The following DDX46 variants were observed in gnomAD, a reference collection of about 807,000 sequenced individuals.
DDX46 encodes the protein DEAD-box helicase 46.
A neutral mutation model predicts 134.9 loss-of-function variants in DDX46; 30 were observed. That is an observed-to-expected ratio of 0.22 (90% CI 0.17 to 0.30). The LOEUF (loss-of-function observed/expected upper bound fraction) is 0.30, where lower values mean the gene tolerates loss of function less well. Among genes scored for constraint, DDX46 ranks in the 10% least tolerant of loss-of-function variants. The pLI is 1.00. For synonymous variants in DDX46, 415 were observed against 404.1 expected, an observed-to-expected ratio of 1.03 and a Z score of -0.32; for missense variants, 622 against 1,248.7, an observed-to-expected ratio of 0.50 and a Z score of 7.56.
At chr5:134,768,854 T>A (rs1179747822) in intron 3 of DDX46, among the ~76,000 whole-genome samples, 3 of 151,842 alleles carry the variant, frequency 2.0e-5, no homozygotes, top group African/African-American at 7.3e-5. Context: ...AGGTCAGGAG[T>A]TTGAGACCAG....
chr5:134,815,618 A>G (rs1755264931), intron 18 of DDX46, among the ~76,000 whole-genome samples: 1 of 148,576 alleles, frequency 6.7e-6, no homozygotes, highest in Non-Finnish European at 1.5e-5. Context: ...GAGGCAGAAG[A>G]ATGGCGTGAA....
chr5:134,829,258 A>G lies in DDX46; in HGVS notation c.*552A>G, dbSNP rs1256771944. ...TCATAAATGGGCAAAAAGTAGTTGGACTAATTTCGGTTTTTATACAAGTAA... is the reference window on the plus strand; with the variant it reads ...TCATAAATGGGCAAAAAGTAGTTGGGCTAATTTCGGTTTTTATACAAGTAA... On this transcript the variant is annotated 3_prime_UTR_variant, in exon 23 of 23. Transcript: ENST00000452510. 6.6e-6 allele frequency: 1 copy of G among 152,138 alleles called. No individual in the cohort carries two copies. The allele number at this position is 152,138 out of a possible 1,614,324, so 9.4% of individuals were successfully genotyped here.
Position 134,830,451 on chromosome 5 carries a change from A to G in DDX46, c.*1745A>G, listed in dbSNP as rs1226586915. 3.9e-5 allele frequency: 6 copies of G among 152,202 alleles called. No individual in the cohort carries two copies. The highest frequency in any genetic ancestry group is 2.9e-5 in the Non-Finnish European group (2 of 68,030). The allele number at this position is 152,202 out of a possible 1,614,324, so 9.4% of individuals were successfully genotyped here. On this transcript the variant is annotated 3_prime_UTR_variant, in exon 23 of 23. Transcript: ENST00000452510. ...CTCTCATACCAAAGGATGACTGTATATTTCTTAAATGAAGAGACTTTCATT... is the reference window on the plus strand; with the variant it reads ...CTCTCATACCAAAGGATGACTGTATGTTTCTTAAATGAAGAGACTTTCATT...
intron 6 of DDX46, among the ~76,000 whole-genome samples, chr5:134,778,769 T>G (rs2150138417): frequency 6.6e-6 from 1 of 152,274 alleles, no homozygotes; most frequent in East Asian, 1.9e-4. Context: ...AGACCGGGTT[T>G]CACCATGTTG....
At chr5:134,764,341 G>A (rs191397680) in intron 2 of DDX46, among the ~76,000 whole-genome samples, 1 of 151,354 alleles carries the variant, frequency 6.6e-6, no homozygotes, top group East Asian at 1.9e-4. Context: ...GGAGTGCAGT[G>A]GTATCATCTC....
chr5:134,765,031 G>T (rs1753520060), intron 2 of DDX46, among the ~76,000 whole-genome samples: 1 of 150,396 alleles, frequency 6.6e-6, no homozygotes, highest in South Asian at 2.1e-4. Flanking sequence ...AGCTGTCATA[G>T]ATTTAAACTA....
At chr5:134,803,984 G>A (rs1754909808) in intron 15 of DDX46, among the ~76,000 whole-genome samples, 1 of 144,520 alleles carries the variant, frequency 6.9e-6, no homozygotes, top group Admixed American at 7.3e-5. Context: ...CCAAGCTGGA[G>A]TGCAGGGGTG....
rs1392009613 is a variant in DDX46, at chr5:134,770,916, G to T, written c.364G>T (p.Glu122Ter). Residue 122 changes from glutamate to a stop codon, truncating the protein, a stop_gained, in exon 4 of 23, where the codon GAG becomes TAG. Transcript: ENST00000452510. LOFTEE classifies it high-confidence loss of function. ...TTTTTTTGGTAGATCTAGGTCCAAAGAGAAAACTGATGGTGGGGAAAGTTC... is the reference window on the plus strand; with the variant it reads ...TTTTTTTGGTAGATCTAGGTCCAAATAGAAAACTGATGGTGGGGAAAGTTC... ...KKTENRSRSK[E>*]KTDGGESSKE... 6.3e-7 allele frequency: 1 copy of T among 1,584,686 alleles called. No individual in the cohort carries two copies. Among genetic ancestry groups the T allele is most frequent in the Admixed American group, 1.9e-5 (1 of 52,170 alleles).
Position 134,784,453 on chromosome 5 carries a change from A to G in DDX46, c.1254A>G (p.Thr418=), listed in dbSNP as rs1754269373. ...GAGATTTGATTGGCATTGCCAAAAC[A>G]GGAAGTGGAAAGACCATTGCTTTTC... ...SGRDLIGIAK[T]GSGKTIAFLL... is the part of the protein sequence containing the mutation. The change falls in exon 10 of 23, where the codon ACA becomes ACG. Residue 418 remains threonine (T), a synonymous_variant. Transcript: ENST00000452510. The G allele has an allele frequency of 1.9e-6, 3 of 1,614,168 alleles. No homozygotes were observed. The highest frequency in any genetic ancestry group is 2.5e-6 in the Non-Finnish European group (3 of 1,179,998).
At chr5:134,806,925 A>G (rs1463335804) in intron 15 of DDX46, among the ~76,000 whole-genome samples, 1 of 152,094 alleles carries the variant, frequency 6.6e-6, no homozygotes, top group Non-Finnish European at 1.5e-5. Context: ...TATTTAAGAG[A>G]TATCCATTTG....
At position 134,773,864 on chromosome 5, in the gene DDX46, A is replaced by G. The variant is rs368446004; in HGVS notation, c.613+3A>G. 3.4e-5 allele frequency: 55 copies of G among 1,595,660 alleles called. No individual in the cohort carries two copies. Among genetic ancestry groups the G allele is most frequent in the Non-Finnish European group, 4.6e-5 (54 of 1,173,072 alleles). On this transcript the variant is annotated splice_donor_region_variant and intron_variant, in intron 5 of 22. Transcript: ENST00000452510. ...GTGGAGTTTAGAGGACGATGATGGT[A>G]TATTTTTTAGCCTAATAGCCTGTAT...
chr5:134,811,650 T>G (rs764781112), intron 17 of DDX46, 46 bp from the exon 18 acceptor site: 3 of 1,550,444 alleles, frequency 1.9e-6, no homozygotes, highest in Non-Finnish European at 2.6e-6. Flanking sequence ...TTCCTAAACA[T>G]TAAAGTTTTT....
chr5:134,784,708 G>C, intron 10 of DDX46, 167 bp downstream of exon 10: 3 of 605,370 alleles, frequency 5.0e-6, no homozygotes, highest in Non-Finnish European at 7.6e-6. Flanking sequence ...AGCAGGTGGA[G>C]TGAGAATCTT....
chr5:134,825,094 C>T (rs1320328016), intron 21 of DDX46, among the ~76,000 whole-genome samples: 1 of 152,138 alleles, frequency 6.6e-6, no homozygotes, highest in East Asian at 1.9e-4. Context: ...TAAACTGGTC[C>T]AAATTGTCGG....
chr5:134,800,959 G>A (rs1754810824), intron 15 of DDX46, among the ~76,000 whole-genome samples: 2 of 151,754 alleles, frequency 1.3e-5, no homozygotes, highest in Admixed American at 1.3e-4. Context: ...TACAGGCTGA[G>A]CCACCACACC....
Position 134,763,992 on chromosome 5 carries a change from G to A in DDX46, c.106G>A (p.Asp36Asn), listed in dbSNP as rs1055127479. The change falls in exon 2 of 23, where the codon GAT becomes AAT. Residue 36 changes from aspartate (D) to asparagine (N), a missense_variant. Physicochemically the swap from Asp to Asn is conservative, Grantham distance 23. This residue lies in a region of DDX46 where 244 missense variants were observed against 349.3 expected (regional missense o/e 0.70). Transcript: ENST00000452510. ...SPSDKRSKRG[D>N]DRRSRSRDRD... ...CTCAGACAAAAGAAGTAAACGTGGA[G>A]ATGACAGACGGTCTAGAAGTAGAGA... is the stretch of plus-strand genomic sequence containing the variant. 9 of 1,614,092 alleles carry A rather than the reference G, an allele frequency of 5.6e-6. No homozygotes were observed. Among genetic ancestry groups the A allele is most frequent in the African/African-American group, 5.3e-5 (4 of 74,928 alleles).
rs569782103 is a variant in DDX46 at position 134,820,425 on chromosome 5, C to G, written c.2977+1421C>G. ...TCGCCCAGGCTGGAGTGCAATGGCACGATCTTGGCTTACTGCAACCTCCGC... is the reference window on the plus strand; with the variant it reads ...TCGCCCAGGCTGGAGTGCAATGGCAGGATCTTGGCTTACTGCAACCTCCGC... On this transcript the variant is annotated intron_variant, in intron 21 of 22. Coordinates refer to ENST00000452510, the MANE Select transcript of DDX46 (RefSeq NM_001300860.2). Among the ~76,000 whole-genome samples, 22 of 152,262 alleles carry G rather than the reference C, an allele frequency of 1.4e-4. No homozygotes were observed. The East Asian group carries it at 4.3e-3, about 29-fold the overall frequency.
Position 134,817,484 on chromosome 5 carries a change from C to T in DDX46, c.2614-12C>T. The stretch of plus-strand genomic sequence containing the variant: ...CTCATTTGAGATTTAACTAAGTCTT[C>T]TTTAACTACAGGATGTGATGCAGCA... On this transcript the variant is annotated splice_polypyrimidine_tract_variant and intron_variant, in intron 19 of 22. Coordinates refer to ENST00000452510, the MANE Select transcript of DDX46 (RefSeq NM_001300860.2). 6.2e-7 allele frequency: 1 copy of T among 1,610,520 alleles called. No individual in the cohort carries two copies. Among genetic ancestry groups the T allele is most frequent in the Non-Finnish European group, 8.5e-7 (1 of 1,178,132 alleles).
At position 134,765,829 on chromosome 5, in the gene DDX46, G is replaced by A. The variant is rs866116828; in HGVS notation, c.207-1088G>A. On this transcript the variant is annotated intron_variant, in intron 2 of 22. Transcript: ENST00000452510. ...TAGGATTCAGGGAAAATATTCACCC[G>A]TGACAATGTGGATAGCATTTTCACA... is the stretch of plus-strand genomic sequence containing the variant. 5.9e-5 allele frequency among the ~76,000 whole-genome samples: 9 copies of A among 152,174 alleles called. No individual in the cohort carries two copies. In the South Asian group the frequency reaches 1.2e-3, roughly 21 times the overall value.
Sources: gnomAD v4.1 joint callset for allele counts (sites outside exome capture counted in the v4.1 genomes callset) on GRCh38, gnomAD v4.1.1 for gene constraint, gnomAD v4.1.1 regional missense constraint, MANE v1.5 for transcripts, NCBI Gene and HGNC (gene_info 2026-07-23, HGNC 2026-07-21) for gene names.